Variants in FGD5 observed in about 807,000 individuals in gnomAD.
FGD5 encodes FYVE, RhoGEF and PH domain containing 5.
FGD5 carries 28 observed loss-of-function variants against 133.4 expected under a neutral mutation model. The observed-to-expected ratio is 0.21, with a 90% CI of 0.16 to 0.29. The LOEUF (loss-of-function observed/expected upper bound fraction) is 0.29. Among genes scored for constraint, FGD5 ranks in the 10% least tolerant of loss-of-function variants. The pLI is 1.00. For synonymous variants in FGD5, 810 were observed against 776.5 expected (o/e 1.04, Z -0.72); for missense variants, 1,858 against 1,895.2 (o/e 0.98, Z 0.36).
chr3:14,904,644 G>A (rs1369769145), intron 9 of FGD5, among the ~76,000 whole-genome samples: 3 of 152,080 alleles, frequency 2.0e-5, no homozygotes, highest in Admixed American at 2.0e-4. Flanking sequence ...TGCATTAATT[G>A]GATAATAATA....
At chr3:14,900,727 T>C (rs2038221677) in intron 8 of FGD5, among the ~76,000 whole-genome samples, 1 of 151,916 alleles carries the variant, frequency 6.6e-6, no homozygotes, top group South Asian at 2.1e-4. Flanking sequence ...ATAGGAGGGG[T>C]GGTGCCAGGT....
At chr3:14,813,100 C>T (rs1165857790) in intron 1 of FGD5, among the ~76,000 whole-genome samples, 4 of 152,058 alleles carry the variant, frequency 2.6e-5, no homozygotes, top group Admixed American at 2.0e-4. Context: ...GTGCCTAACA[C>T]GTAGTAGGGT....
intron 1 of FGD5, among the ~76,000 whole-genome samples, chr3:14,841,914 C>G (rs1169474688): frequency 6.6e-6 from 1 of 152,166 alleles, no homozygotes; most frequent in Non-Finnish European, 1.5e-5. Flanking sequence ...TTCTTTCCAG[C>G]GAGGACTCAG....
chr3:14,880,810 C>T, intron 4 of FGD5, 38 bp downstream of exon 4: 1 of 1,607,368 alleles, frequency 6.2e-7, no homozygotes, highest in Non-Finnish European at 8.5e-7. Context: ...ACTAATTGCC[C>T]TTTTACAAGT....
At chr3:14,858,753 T>C (rs1367597583) in intron 1 of FGD5, among the ~76,000 whole-genome samples, 2 of 152,206 alleles carry the variant, frequency 1.3e-5, no homozygotes, top group African/African-American at 2.4e-5. Flanking sequence ...AGATATGATA[T>C]GTAAGTGTTC....
At chr3:14,841,208 C>G (rs2036915065) in intron 1 of FGD5, among the ~76,000 whole-genome samples, 1 of 152,194 alleles carries the variant, frequency 6.6e-6, no homozygotes, top group African/African-American at 2.4e-5. Context: ...GAGGGGCTGC[C>G]TGGCCATCCT....
chr3:14,910,994 T>G (rs1327862640), intron 11 of FGD5, 65 bp downstream of exon 11: 40 of 1,488,224 alleles, frequency 2.7e-5, no homozygotes, highest in Non-Finnish European at 3.7e-5. Flanking sequence ...TCTAGGGCCA[T>G]TATTCAAGGA....
intron 1 of FGD5, among the ~76,000 whole-genome samples, chr3:14,839,888 G>A (rs1350273136): frequency 1.3e-5 from 2 of 151,948 alleles, no homozygotes; most frequent in African/African-American, 4.8e-5. Flanking sequence ...AGTCGAGATC[G>A]CGCCACTGCA....
At chr3:14,838,392 C>G (rs1025889956) in intron 1 of FGD5, among the ~76,000 whole-genome samples, 7 of 152,148 alleles carry the variant, frequency 4.6e-5, no homozygotes, top group African/African-American at 1.7e-4. Flanking sequence ...TGCAAAGCCC[C>G]TTTTGCTAAA....
chr3:14,849,270 G>C (rs1191036332), intron 1 of FGD5, among the ~76,000 whole-genome samples: 1 of 152,196 alleles, frequency 6.6e-6, no homozygotes, highest in Non-Finnish European at 1.5e-5. Flanking sequence ...TGCCCTACAG[G>C]TGCTCTGTGC....
intron 2 of FGD5, among the ~76,000 whole-genome samples, chr3:14,875,617 A>G (rs2037702563): frequency 6.6e-6 from 1 of 152,088 alleles, no homozygotes; most frequent in Non-Finnish European, 1.5e-5. Flanking sequence ...GGTGCAGGTG[A>G]CAGAAGGAGG....
At position 14,888,187 on chromosome 3, in the gene FGD5, A is replaced by T. The variant is rs924746616; in HGVS notation, c.2748+7415A>T. Among the ~76,000 whole-genome samples, 3 of 130,502 alleles carry T rather than the reference A, an allele frequency of 2.3e-5. No individual in the cohort carries two copies. The East Asian group carries it at 6.5e-4, about 28-fold the overall frequency. The allele number at this position is 130,502 out of a possible 152,430, so 85.6% of individuals were successfully genotyped here. On this transcript the variant is annotated intron_variant, in intron 4 of 19. Transcript: ENST00000285046. ...TTTCTCGAAAAAAAAAAAAATACAG[A>T]TGCTCAGATTCCGCCCTCAGAGATA...
chr3:14,901,272 C>G (rs2038234103), intron 9 of FGD5, among the ~76,000 whole-genome samples: 1 of 152,220 alleles, frequency 6.6e-6, no homozygotes, highest in South Asian at 2.1e-4. Context: ...GTTCACTGTT[C>G]AAACAATGAG....
intron 11 of FGD5, 96 bp downstream of exon 11, chr3:14,911,025 G>GAGAGT: frequency 8.1e-7 from 1 of 1,237,752 alleles, no homozygotes; most frequent in Non-Finnish European, 1.2e-6. Flanking sequence ...AGGGTGAGAG[G>GAGAGT]AGAGTAGAAC....
chr3:14,857,611 G>T (rs2037309561), intron 1 of FGD5, among the ~76,000 whole-genome samples: 1 of 152,188 alleles, frequency 6.6e-6, no homozygotes, highest in East Asian at 1.9e-4. Flanking sequence ...AAACAGATAT[G>T]AAGTTGCCTA....
rs61751585 is a variant in FGD5, at chr3:14,820,728, G to C, written c.1657G>C (p.Val553Leu). 1.9e-6 allele frequency: 3 copies of C among 1,605,564 alleles called. No individual in the cohort carries two copies. In the African/African-American group the frequency reaches 4.0e-5, roughly 22 times the overall value. ...TACTTTATACCCTCGGTCGTTCTCC[G>C]TGGAAGGCCGAGAGATTCCAGTGTC... The part of the protein sequence containing the change: ...AFTLYPRSFS[V>L]EGREIPVSVY... Residue 553 changes from valine to leucine, a missense_variant, in exon 1 of 20, where the codon GTG becomes CTG. Physicochemically the swap from Val to Leu is conservative, Grantham distance 32 (BLOSUM62 1). Transcript: ENST00000285046.
chr3:14,921,135 G>A (rs1476954459), intron 13 of FGD5, among the ~76,000 whole-genome samples: 1 of 152,226 alleles, frequency 6.6e-6, no homozygotes, highest in Non-Finnish European at 1.5e-5. Context: ...CTTCCTGCTA[G>A]TCCAGACCCT....
intron 2 of FGD5, among the ~76,000 whole-genome samples, chr3:14,873,293 C>G (rs1158426836): frequency 6.6e-6 from 1 of 152,142 alleles, no homozygotes; most frequent in Non-Finnish European, 1.5e-5. Context: ...AGGGGCAGCC[C>G]TCATGCCCAG....
At chr3:14,828,115 G>T (rs73814187) in intron 1 of FGD5, among the ~76,000 whole-genome samples, 2,451 of 152,270 alleles carry the variant, frequency 0.016, 58 homozygotes, top group African/African-American at 0.055. Context: ...GGCAAGGATT[G>T]CATGGAGTGA....
Sources: allele counts gnomAD v4.1 joint callset (sites outside exome capture counted in the v4.1 genomes callset), GRCh38; gene constraint gnomAD v4.1.1; transcripts MANE v1.5; gene names NCBI Gene and HGNC (gene_info 2026-07-23, HGNC 2026-07-21).